Variants in ZNF480 observed in about 807,000 individuals in gnomAD.
ZNF480 encodes the protein zinc finger protein 480.
A neutral mutation model predicts 14.4 loss-of-function variants in ZNF480; 15 were observed. That is an observed-to-expected ratio of 1.04 (90% CI 0.70 to 1.60). ZNF480 has a LOEUF of 1.60. Ranked by LOEUF, ZNF480 falls within the 40% of genes most tolerant of loss-of-function variation. ZNF480 has a pLI of 0.00. For synonymous variants in ZNF480, 218 were observed against 215.5 expected, an observed-to-expected ratio of 1.01 and a Z score of -0.10; for missense variants, 593 against 629.7, an observed-to-expected ratio of 0.94 and a Z score of 0.62.
chr19:52,304,597 T>C (rs1049162247), intron 2 of ZNF480, among the ~76,000 whole-genome samples: 1 of 152,100 alleles, frequency 6.6e-6, no homozygotes, highest in Non-Finnish European at 1.5e-5. Flanking sequence ...TGAAAAATTA[T>C]ATCCTAAACC....
chr19:52,319,076 C>T (rs1983686314), intron 4 of ZNF480, among the ~76,000 whole-genome samples: 1 of 152,082 alleles, frequency 6.6e-6, no homozygotes, highest in South Asian at 2.1e-4. Context: ...GTTAGTCAGT[C>T]TGGTCTCAAA....
intron 2 of ZNF480, among the ~76,000 whole-genome samples, chr19:52,308,283 C>T (rs574909041): frequency 1.4e-5 from 2 of 147,670 alleles, no homozygotes; most frequent in East Asian, 2.0e-4. Context: ...GGAAGGAAAA[C>T]GTTTTCTGCT....
rs564239318 is a variant in ZNF480 at position 52,314,132 on chromosome 19, GA to G, written c.73-18del. 501 of 1,548,346 alleles carry G rather than the reference GA, an allele frequency of 3.2e-4. No individual in the cohort carries two copies. The highest frequency in any genetic ancestry group is 4.2e-4 in the Non-Finnish European group (477 of 1,139,322). ...AATACCCTTTACATATCCTGTTGGT[GA>G]AATGTGGTTTTCATTTTAGGGACAC... is the stretch of plus-strand genomic sequence containing the variant. On this transcript the variant is annotated intron_variant, in intron 2 of 4. Coordinates refer to ENST00000595962, the MANE Select transcript of ZNF480 (RefSeq NM_144684.4).
intron 2 of ZNF480, chr19:52,301,950 G>A (rs1182708403): frequency 1.2e-5 from 2 of 162,732 alleles, no homozygotes; most frequent in Non-Finnish European, 2.6e-5. Flanking sequence ...GTCACATGAT[G>A]ATTAGGGAGA....
Position 52,322,778 on chromosome 19 carries a change from C to G in ZNF480, c.1528C>G (p.Pro510Ala). Residue 510 changes from proline to alanine, a missense_variant, in exon 5 of 5, where the codon CCT (proline) becomes GCT (alanine). By Grantham distance (27) the Pro-to-Ala change is conservative (BLOSUM62 -1). Coordinates refer to ENST00000595962, the MANE Select transcript of ZNF480 (RefSeq NM_144684.4). Reference sequence around the variant, plus strand: ...TCGGAAAATTCATACTGGAGAGAAACCTTACAAATGTAATGAGTGTGGCAA... The same window carrying G: ...TCGGAAAATTCATACTGGAGAGAAAGCTTACAAATGTAATGAGTGTGGCAA... Reference protein sequence around the residue: ...RHRKIHTGEKPYKCNECGKAF... With the variant: ...RHRKIHTGEKAYKCNECGKAF... 1.2e-6 allele frequency: 2 copies of G among 1,613,234 alleles called. No homozygotes were observed. The highest frequency in any genetic ancestry group is 1.7e-6 in the Non-Finnish European group (2 of 1,179,358).
Position 52,322,748 on chromosome 19 carries a change from C to T in ZNF480, c.1498C>T (p.Arg500Ter), listed in dbSNP as rs563704076. Residue 500 changes from arginine (R) to a stop codon, truncating the protein, a stop_gained, in exon 5 of 5, where the codon CGA (arginine) becomes TGA (stop). Coordinates refer to ENST00000595962, the MANE Select transcript of ZNF480 (RefSeq NM_144684.4). LOFTEE classifies it low-confidence loss of function (END_TRUNC). The stretch of plus-strand genomic sequence containing the variant: ...CTTCAATCGAATTGCACACCTTGCA[C>T]GACATCGGAAAATTCATACTGGAGA... ...KVFNRIAHLA[R>*]HRKIHTGEKP... The T allele has an allele frequency of 1.2e-5, 20 of 1,612,862 alleles. No homozygotes were observed. The highest frequency in any genetic ancestry group is 5.0e-5 in the Admixed American group (3 of 59,874).
Position 52,323,009 on chromosome 19 carries a change from ATTTAT to A in ZNF480, c.*152_*156del. 2 of 594,530 alleles carry A rather than the reference ATTTAT, an allele frequency of 3.4e-6. No individual in the cohort carries two copies. The highest frequency in any genetic ancestry group is 5.4e-6 in the Non-Finnish European group (2 of 371,666). The allele number at this position is 594,530 out of a possible 1,614,324, so 36.8% of individuals were successfully genotyped here. ...AGTTTTTCTAATAACTCATTAGAGA[ATTTAT>A]ACTGGAGAGACTTCACAATTATAAT... On this transcript the variant is annotated 3_prime_UTR_variant, in exon 5 of 5. Transcript: ENST00000595962.
In ZNF480 at chr19:52,325,140, G is replaced by A. The variant is rs903599026; in HGVS notation, c.*2282G>A. 3 of 152,182 alleles carry A rather than the reference G, an allele frequency of 2.0e-5. No individual in the cohort carries two copies. Among genetic ancestry groups the A allele is most frequent in the Admixed American group, 2.0e-4 (3 of 15,280 alleles). The allele number at this position is 152,182 out of a possible 1,614,324, so 9.4% of individuals were successfully genotyped here. A position where few individuals can be genotyped will look rare whatever the true frequency, so the allele number is the denominator to read the frequency against. ...CTTTCTCAAAAGAATACATACATGTGGCAATAAGCATATGAAAAAAATGGT... is the reference window on the plus strand; with the variant it reads ...CTTTCTCAAAAGAATACATACATGTAGCAATAAGCATATGAAAAAAATGGT... On this transcript the variant is annotated 3_prime_UTR_variant, in exon 5 of 5. Coordinates refer to ENST00000595962, the MANE Select transcript of ZNF480 (RefSeq NM_144684.4).
Position 52,321,691 on chromosome 19 carries a change from A to G in ZNF480, c.441A>G (p.Val147=), listed in dbSNP as rs774232026. ...SELELFPDER[V]INGCNQVENF... ...TGGAGCTATTTCCAGATGAAAGGGT[A>G]ATAAATGGATGTAATCAAGTTGAAA... The change falls in exon 5 of 5, where the codon GTA becomes GTG. Residue 147 remains valine (V), a synonymous_variant. Transcript: ENST00000595962. The G allele has an allele frequency of 1.2e-6, 2 of 1,614,100 alleles. No individual in the cohort carries two copies. The highest frequency in any genetic ancestry group is 1.7e-6 in the Non-Finnish European group (2 of 1,179,974).
At position 52,325,910 on chromosome 19, in the gene ZNF480, G is replaced by C. The variant is rs1162200431; in HGVS notation, c.*3052G>C. The C allele has an allele frequency of 1.3e-5, 2 of 152,034 alleles. No individual in the cohort carries two copies. The highest frequency in any genetic ancestry group is 2.9e-5 in the Non-Finnish European group (2 of 67,994). The allele number at this position is 152,034 out of a possible 1,614,324, so 9.4% of individuals were successfully genotyped here. On this transcript the variant is annotated 3_prime_UTR_variant, in exon 5 of 5. Transcript: ENST00000595962. ...ACTCCTTGAACCTAAAATAAAACAT[G>C]AAAAAAAGCAAATTTCACACCTTGT...
chr19:52,300,501 G>A lies in ZNF480; in HGVS notation c.72+17G>A, dbSNP rs372336628. 379 of 1,609,060 alleles carry A rather than the reference G, an allele frequency of 2.4e-4. No homozygotes were observed. The highest frequency in any genetic ancestry group is 3.1e-4 in the Non-Finnish European group (364 of 1,179,664). On this transcript the variant is annotated intron_variant, in intron 2 of 4. Coordinates refer to ENST00000595962, the MANE Select transcript of ZNF480 (RefSeq NM_144684.4). ...CTTCCTCAGGTGAGATGATATTCTC[G>A]GTGGATTGTTCTGTCTCCTTTCTTT...
At position 52,324,882 on chromosome 19, in the gene ZNF480, A is replaced by T. The variant is rs1489385846; in HGVS notation, c.*2024A>T. The T allele has an allele frequency of 6.6e-6, 1 of 152,198 alleles. No homozygotes were observed. Among genetic ancestry groups the T allele is most frequent in the Non-Finnish European group, 1.5e-5 (1 of 68,016 alleles). The allele number at this position is 152,198 out of a possible 1,614,324, so 9.4% of individuals were successfully genotyped here. ...TGGACATAAGTGCTGGAAAAGACTT[A>T]ATGATGAACACCCCAAAGCAATTGC... On this transcript the variant is annotated 3_prime_UTR_variant, in exon 5 of 5. Coordinates refer to ENST00000595962, the MANE Select transcript of ZNF480 (RefSeq NM_144684.4).
At chr19:52,314,417 TTTGGTGA>T in intron 3 of ZNF480, 138 bp downstream of exon 3, 2 of 715,750 alleles carry the variant, frequency 2.8e-6, no homozygotes, top group South Asian at 3.2e-5. Context: ...AGGCAGAGGT[TTTGGTGA>T]GCCGAGATCA....
chr19:52,311,621 A>C (rs1983292148), intron 2 of ZNF480, among the ~76,000 whole-genome samples: 1 of 152,172 alleles, frequency 6.6e-6, no homozygotes, highest in Non-Finnish European at 1.5e-5. Context: ...TTTTTGTTGT[A>C]AACATGCTGA....
At position 52,322,632 on chromosome 19, in the gene ZNF480, G is replaced by A. The variant is rs184688219; in HGVS notation, c.1382G>A (p.Gly461Asp). ...GEKPYKCSEC[G>D]KAFRHKLSLT... ...AAGCCTTACAAATGTAGTGAATGTGGCAAGGCATTCAGACACAAGTTATCA... is the reference window on the plus strand; with the variant it reads ...AAGCCTTACAAATGTAGTGAATGTGACAAGGCATTCAGACACAAGTTATCA... Residue 461 changes from glycine to aspartate, a missense_variant, in exon 5 of 5, where the codon GGC (glycine) becomes GAC (aspartate). Physicochemically the swap from Gly to Asp is moderately conservative, Grantham distance 94 (BLOSUM62 -1). Coordinates refer to ENST00000595962, the MANE Select transcript of ZNF480 (RefSeq NM_144684.4). 3.1e-5 allele frequency: 50 copies of A among 1,614,046 alleles called. No individual in the cohort carries two copies. The Admixed American group carries it at 6.0e-4, about 19-fold the overall frequency.
Position 52,314,180 on chromosome 19 carries a change from A to G in ZNF480, c.100A>G (p.Ile34Val). The change falls in exon 3 of 5, where the codon ATA (isoleucine) becomes GTA (valine). Residue 34 changes from isoleucine (I) to valine (V), a missense_variant. Physicochemically the swap from Ile to Val is conservative, Grantham distance 29 (BLOSUM62 3). Transcript: ENST00000595962. Reference sequence around the variant, plus strand: ...ACACTTAACATTCAGGGACGTGGCCATAGAATTCTCTCAGGCGGAGTGGAA... The same window carrying G: ...ACACTTAACATTCAGGGACGTGGCCGTAGAATTCTCTCAGGCGGAGTGGAA... ...QGHLTFRDVA[I>V]EFSQAEWKCL... is the part of the protein sequence containing the mutation. 5.1e-6 allele frequency: 8 copies of G among 1,579,344 alleles called. No homozygotes were observed. The highest frequency in any genetic ancestry group is 6.9e-6 in the Non-Finnish European group (8 of 1,157,870).
intron 2 of ZNF480, 123 bp from the exon 3 acceptor site, chr19:52,314,030 C>A (rs1265564351): frequency 4.5e-6 from 5 of 1,110,908 alleles, no homozygotes; most frequent in Non-Finnish European, 6.2e-6. Flanking sequence ...TCACAGATAC[C>A]TTAATGGGGA....
chr19:52,318,308 A>G (rs1176122772), intron 4 of ZNF480, among the ~76,000 whole-genome samples: 1 of 151,948 alleles, frequency 6.6e-6, no homozygotes, highest in Non-Finnish European at 1.5e-5. Context: ...GGGTTTCACT[A>G]TGTTGGCCAG....
At chr19:52,305,201 T>G (rs940788790) in intron 2 of ZNF480, among the ~76,000 whole-genome samples, 2 of 152,188 alleles carry the variant, frequency 1.3e-5, no homozygotes, top group Non-Finnish European at 2.9e-5. Flanking sequence ...TGATATACTT[T>G]AGGGGCTATG....
Sources: allele counts gnomAD v4.1 joint callset (sites outside exome capture counted in the v4.1 genomes callset), GRCh38; gene constraint gnomAD v4.1.1; transcripts MANE v1.5; gene names NCBI Gene and HGNC (gene_info 2026-07-23, HGNC 2026-07-21).